DDC: variants seen among roughly 807,000 people sequenced by gnomAD.
DDC encodes the protein dopa decarboxylase.
Under a neutral mutation model 60.0 loss-of-function variants are expected in DDC, and 43 were observed. The ratio of observed to expected loss-of-function variants is 0.72; its 90% CI spans 0.56 to 0.92. The LOEUF is 0.92. Among genes scored for constraint, DDC ranks in the 40% least tolerant of loss-of-function variants. The probability of loss-of-function intolerance (pLI) is 0.00; values close to 1 mark genes in which losing one functional copy is unlikely to be tolerated. For synonymous variants in DDC, 232 were observed against 234.6 expected (o/e 0.99, Z 0.10); for missense variants, 573 against 620.2 (o/e 0.92, Z 0.81).
intron 14 of DDC, chr7:50,459,508 T>C (rs536125041): frequency 8.6e-4 from 148 of 172,922 alleles, no homozygotes; most frequent in African/African-American, 3.8e-3. Flanking sequence ...ATCTAGGAAG[T>C]GAGGAGCGCC....
intron 6 of DDC, among the ~76,000 whole-genome samples, chr7:50,523,763 C>T (rs1391763095): frequency 6.6e-6 from 1 of 152,136 alleles, no homozygotes; most frequent in African/African-American, 2.4e-5. Context: ...TTCAGCCTTT[C>T]CTTATAAAAC....
rs1245414893 is a variant in DDC, at chr7:50,543,920, T to C, written c.166A>G (p.Ile56Val). ...APQEPDTFED[I>V]INDVEKIIMP... ...ATTATCTTCTCAACGTCGTTGATGA[T>C]GTCCTCAAACGTGTCTGGCTCCTGA... The change falls in exon 2 of 15, where the codon ATC becomes GTC. Residue 56 changes from isoleucine (I) to valine (V), a missense_variant. Transcript: ENST00000444124. 1 of 1,614,198 alleles carries C rather than the reference T, an allele frequency of 6.2e-7. No individual in the cohort carries two copies. The highest frequency in any genetic ancestry group is 1.7e-5 in the Admixed American group (1 of 60,032).
chr7:50,484,563 A>T (rs1020695258), intron 9 of DDC, among the ~76,000 whole-genome samples: 1 of 152,136 alleles, frequency 6.6e-6, no homozygotes, highest in Non-Finnish European at 1.5e-5. Flanking sequence ...TTAGGTACTA[A>T]ATTTGCATTT....
At chr7:50,506,584 C>T (rs2043404095) in intron 6 of DDC, among the ~76,000 whole-genome samples, 1 of 152,194 alleles carries the variant, frequency 6.6e-6, no homozygotes, top group Admixed American at 6.5e-5. Context: ...GGCAGTCCCT[C>T]CAGGGTCAGC....
intron 11 of DDC, among the ~76,000 whole-genome samples, chr7:50,473,458 C>T (rs1384533580): frequency 1.3e-5 from 2 of 152,230 alleles, no homozygotes; most frequent in African/African-American, 4.8e-5. Flanking sequence ...CTTTCACCTT[C>T]TGCATTCCAT....
In DDC at chr7:50,502,195, T is replaced by G. The variant is rs537656472; in HGVS notation, c.781+1798A>C. On this transcript the variant is annotated intron_variant, in intron 7 of 14. Transcript: ENST00000444124. ...CACAACCCCAAAAGCAACCTCAGTG[T>G]TTCAAACCAAACAAATCATAAATCA... Among the ~76,000 whole-genome samples, 14 of 152,244 alleles carry G rather than the reference T, an allele frequency of 9.2e-5. No individual in the cohort carries two copies. The East Asian group carries it at 2.3e-3, about 25-fold the overall frequency.
intron 11 of DDC, among the ~76,000 whole-genome samples, chr7:50,475,493 GC>G (rs1222187922): frequency 6.6e-6 from 1 of 152,014 alleles, no homozygotes; most frequent in South Asian, 2.1e-4. Flanking sequence ...GTTTACTGCT[GC>G]CCCCCTGCCT....
At position 50,507,528 on chromosome 7, in the gene DDC, A is replaced by C. The variant is rs866093695; in HGVS notation, c.715-3469T>G. On this transcript the variant is annotated intron_variant, in intron 6 of 14. Transcript: ENST00000444124. ...ATTACTGGGGAGAGCCACCATGCCCAGCCAATAACTTCTATTATTAAAAAT... is the reference window on the plus strand; with the variant it reads ...ATTACTGGGGAGAGCCACCATGCCCCGCCAATAACTTCTATTATTAAAAAT... 5.9e-5 allele frequency among the ~76,000 whole-genome samples: 9 copies of C among 152,334 alleles called. No homozygotes were observed. The South Asian group carries it at 1.9e-3, about 32-fold the overall frequency.
chr7:50,470,308 G>A, intron 11 of DDC, 137 bp from the exon 12 acceptor site: 1 of 730,730 alleles, frequency 1.4e-6, no homozygotes, highest in Non-Finnish European at 2.5e-6. Flanking sequence ...GCCATGGCCT[G>A]TCTTGGATGG....
chr7:50,543,563 A>C (rs1221832965), intron 2 of DDC: 2 of 389,972 alleles, frequency 5.1e-6, no homozygotes, highest in Admixed American at 7.3e-5. Context: ...CTTGCTTCCT[A>C]ATGTATATGA....
intron 9 of DDC, chr7:50,492,985 A>G: frequency 6.3e-7 from 1 of 1,598,246 alleles, no homozygotes; most frequent in Non-Finnish European, 8.5e-7. Context: ...CAGCCTTAAC[A>G]TACGCACTGG....
chr7:50,559,122 A>G (rs543742221), intron 1 of DDC, among the ~76,000 whole-genome samples: 11 of 152,332 alleles, frequency 7.2e-5, no homozygotes, highest in Admixed American at 2.0e-4. Flanking sequence ...TAAACTTCAC[A>G]TCAGCTCTGC....
chr7:50,543,885 C>T lies in DDC; in HGVS notation c.201G>A (p.Gly67=), dbSNP rs758934452. 1 of 1,613,902 alleles carries T rather than the reference C, an allele frequency of 6.2e-7. No individual in the cohort carries two copies. Among genetic ancestry groups the T allele is most frequent in the Non-Finnish European group, 8.5e-7 (1 of 1,179,882 alleles). Residue 67 remains glycine (G), a splice_region_variant and synonymous_variant, in exon 2 of 15, where the codon GGG becomes GGA. Coordinates refer to ENST00000444124, the MANE Select transcript of DDC (RefSeq NM_001082971.2). ...TTTCTGACCTTGGATACACACTTAC[C>T]CCAGGCATGATTATCTTCTCAACGT... is the stretch of plus-strand genomic sequence containing the variant. ...INDVEKIIMP[G]VTHWHSPYFF... is the part of the protein sequence containing the mutation.
intron 14 of DDC, chr7:50,459,654 G>A (rs554045851): frequency 2.2e-4 from 37 of 164,832 alleles, no homozygotes; most frequent in Non-Finnish European, 3.6e-4. Flanking sequence ...CCGCGACCCC[G>A]TCTGGGAGGT....
At chr7:50,560,273 A>G (rs2045312825) in intron 1 of DDC, among the ~76,000 whole-genome samples, 1 of 152,176 alleles carries the variant, frequency 6.6e-6, no homozygotes, top group Non-Finnish European at 1.5e-5. Flanking sequence ...TCGCCCTTGG[A>G]GTCTTCAAGA....
chr7:50,526,000 G>A (rs185263855), intron 6 of DDC, among the ~76,000 whole-genome samples: 1 of 152,066 alleles, frequency 6.6e-6, no homozygotes, highest in Non-Finnish European at 1.5e-5. Context: ...AATGGGAGGA[G>A]AGAGGAAATG....
chr7:50,510,788 T>A (rs956145847), intron 6 of DDC, among the ~76,000 whole-genome samples: 2 of 151,550 alleles, frequency 1.3e-5, no homozygotes, highest in Admixed American at 6.6e-5. Context: ...GAGACCATCC[T>A]GGCTAACACG....
At chr7:50,533,567 T>C (rs2153547179) in intron 4 of DDC, among the ~76,000 whole-genome samples, 1 of 152,246 alleles carries the variant, frequency 6.6e-6, no homozygotes, top group East Asian at 1.9e-4. Flanking sequence ...AGTGTTGGGA[T>C]TACAGGCGTG....
chr7:50,507,419 A>G (rs1428063516), intron 6 of DDC, among the ~76,000 whole-genome samples: 2 of 152,080 alleles, frequency 1.3e-5, no homozygotes, highest in Non-Finnish European at 2.9e-5. Flanking sequence ...TTTAGTAGAG[A>G]CGGGGTTTCA....
Sources: allele counts gnomAD v4.1 joint callset (sites outside exome capture counted in the v4.1 genomes callset), GRCh38; gene constraint gnomAD v4.1.1; transcripts MANE v1.5; gene names NCBI Gene and HGNC (gene_info 2026-07-23, HGNC 2026-07-21).